CRADD: variants seen among roughly 807,000 people sequenced by gnomAD.
The protein encoded by CRADD is death domain-containing protein CRADD.
A neutral mutation model predicts 15.5 loss-of-function variants in CRADD; 9 were observed. The ratio of observed to expected loss-of-function variants is 0.58; its 90% confidence interval spans 0.35 to 1.01. The LOEUF is 1.01. Among genes scored for constraint, CRADD ranks in the 50% least tolerant of loss-of-function variants. CRADD has a pLI of 0.02. For missense variants in CRADD, 227 were observed against 250.3 expected, an observed-to-expected ratio of 0.91 and a Z score of 0.63; for synonymous variants, 118 against 107.6, an observed-to-expected ratio of 1.10 and a Z score of -0.60.
Position 93,769,081 on chromosome 12 carries a change from T to TA in CRADD, c.299-80888dup, listed in dbSNP as rs542961752. Reference sequence around the variant, plus strand: ...ATTCTGTTGTTTTTGTTATATACTTTATTTATTTTTTTTTTTGGAGACAGG... The same window carrying TA: ...ATTCTGTTGTTTTTGTTATATACTTTAATTTATTTTTTTTTTTGGAGACAGG... On this transcript the variant is annotated intron_variant, in intron 2 of 2. Coordinates refer to ENST00000332896, the MANE Select transcript of CRADD (RefSeq NM_003805.5). 2.8e-3 allele frequency among the ~76,000 whole-genome samples: 419 copies of TA among 152,236 alleles called. 2 individuals are homozygous for TA. Among genetic ancestry groups the TA allele is most frequent in the African/African-American group, 8.6e-3 (357 of 41,540 alleles).
At chr12:93,707,532 T>C (rs1955974721) in intron 2 of CRADD, among the ~76,000 whole-genome samples, 1 of 152,122 alleles carries the variant, frequency 6.6e-6, no homozygotes. Flanking sequence ...GGCTTAGGTT[T>C]CTTTCAGCAT....
intron 2 of CRADD, among the ~76,000 whole-genome samples, chr12:93,805,439 T>G (rs1373595306): frequency 6.6e-6 from 1 of 152,056 alleles, no homozygotes; most frequent in Non-Finnish European, 1.5e-5. Flanking sequence ...ATATAAAAGA[T>G]TTTACATTAC....
intron 2 of CRADD, among the ~76,000 whole-genome samples, chr12:93,804,730 A>T (rs1957517312): frequency 6.6e-6 from 1 of 152,218 alleles, no homozygotes; most frequent in South Asian, 2.1e-4. Context: ...AACAGTTGGA[A>T]AATAAAACTT....
In CRADD at chr12:93,832,541, TTCTC is replaced by T. The variant is rs200540035; in HGVS notation, c.299-17427_299-17424del. ...ATATGCAATTGAAGCTTCTTAATCT[TTCTC>T]TATACTCTTTATTACTTAGTAAACA... is the stretch of plus-strand genomic sequence containing the variant. On this transcript the variant is annotated intron_variant, in intron 2 of 2. Transcript: ENST00000332896. 9.4e-3 allele frequency among the ~76,000 whole-genome samples: 1,353 copies of T among 144,584 alleles called. 21 individuals carry two copies. Among genetic ancestry groups the T allele is most frequent in the African/African-American group, 0.029 (1,195 of 41,352 alleles). The allele number at this position is 144,584 out of a possible 152,430, so 94.9% of individuals were successfully genotyped here. A position where few individuals can be genotyped will look rare whatever the true frequency, so the allele number is the denominator to read the frequency against.
At chr12:93,736,570 T>C (rs990138771) in intron 2 of CRADD, among the ~76,000 whole-genome samples, 5 of 152,212 alleles carry the variant, frequency 3.3e-5, no homozygotes, top group African/African-American at 1.2e-4. Context: ...GGATATAGGG[T>C]ATGATAAATG....
intron 2 of CRADD, among the ~76,000 whole-genome samples, chr12:93,792,721 C>G (rs1300207116): frequency 6.6e-6 from 1 of 151,994 alleles, no homozygotes. Flanking sequence ...TATTATAATC[C>G]CCAATTACAG....
At chr12:93,770,298 C>T (rs1957072685) in intron 2 of CRADD, among the ~76,000 whole-genome samples, 1 of 151,866 alleles carries the variant, frequency 6.6e-6, no homozygotes, top group Admixed American at 6.6e-5. Flanking sequence ...GGGGTTTCAC[C>T]GTGTTAGCCA....
intron 2 of CRADD, among the ~76,000 whole-genome samples, chr12:93,849,722 CAG>C (rs1055097878): frequency 7.5e-6 from 1 of 133,680 alleles, no homozygotes; most frequent in Admixed American, 8.3e-5. Flanking sequence ...GCCTGGGTGA[CAG>C]AGTGAAACAC....
chr12:93,710,090 G>C (rs969771027), intron 2 of CRADD, among the ~76,000 whole-genome samples: 1 of 152,144 alleles, frequency 6.6e-6, no homozygotes. Context: ...GGGTTCAGCT[G>C]AGTGGTTTTC....
At chr12:93,705,586 A>G (rs1955929463) in intron 2 of CRADD, among the ~76,000 whole-genome samples, 1 of 152,232 alleles carries the variant, frequency 6.6e-6, no homozygotes, top group Non-Finnish European at 1.5e-5. Flanking sequence ...CAGAAGGTGC[A>G]AGAAGCTTAG....
At chr12:93,891,454 T>C (rs1178770641) in intron 2 of CRADD, among the ~76,000 whole-genome samples, 1 of 152,156 alleles carries the variant, frequency 6.6e-6, no homozygotes, top group Non-Finnish European at 1.5e-5. Flanking sequence ...GTCACTGCAC[T>C]CCAGCCTGGG....
intron 2 of CRADD, among the ~76,000 whole-genome samples, chr12:93,811,808 A>G (rs1957629368): frequency 1.3e-5 from 2 of 152,180 alleles, no homozygotes; most frequent in South Asian, 4.1e-4. Flanking sequence ...GGAATTGAAA[A>G]CTTATGTCCA....
chr12:93,873,981 C>T (rs1008515556), intron 2 of CRADD, among the ~76,000 whole-genome samples: 2 of 151,944 alleles, frequency 1.3e-5, no homozygotes, highest in Non-Finnish European at 1.5e-5. Flanking sequence ...GAAGTAGTCC[C>T]TCCTCCTCTA....
intron 2 of CRADD, among the ~76,000 whole-genome samples, chr12:93,818,573 G>C (rs1412997838): frequency 2.0e-5 from 3 of 152,180 alleles, no homozygotes; most frequent in African/African-American, 7.2e-5. Flanking sequence ...AAAACCGTGG[G>C]AGTGATAGAG....
At chr12:93,786,853 A>G (rs1330919860) in intron 2 of CRADD, among the ~76,000 whole-genome samples, 1 of 152,202 alleles carries the variant, frequency 6.6e-6, no homozygotes, top group East Asian at 1.9e-4. Flanking sequence ...TTATTCCCAT[A>G]GAAAATCTAA....
intron 2 of CRADD, among the ~76,000 whole-genome samples, chr12:93,860,572 A>T (rs1001534147): frequency 2.6e-5 from 4 of 152,204 alleles, no homozygotes; most frequent in Admixed American, 1.3e-4. Flanking sequence ...AAGGTCAGCC[A>T]GAGAAGACCC....
chr12:93,825,604 G>A (rs1464187759), intron 2 of CRADD, among the ~76,000 whole-genome samples: 1 of 152,224 alleles, frequency 6.6e-6, no homozygotes, highest in African/African-American at 2.4e-5. Flanking sequence ...ATACAGCGGA[G>A]AGGGAAATGA....
In CRADD at chr12:93,773,595, C is replaced by T. The variant is rs73363126; in HGVS notation, c.299-76375C>T. ...TTTCCTGCTGGAAGAAAGAGGAGGG[C>T]TTTGCTTCATGCAGACATTCAGGGA... On this transcript the variant is annotated intron_variant, in intron 2 of 2. Transcript: ENST00000332896. 7.0e-3 allele frequency among the ~76,000 whole-genome samples: 1,064 copies of T among 151,928 alleles called. 16 individuals carry two copies. The highest frequency in any genetic ancestry group is 0.023 in the African/African-American group (965 of 41,412).
intron 2 of CRADD, among the ~76,000 whole-genome samples, chr12:93,746,184 A>G (rs1592955445): frequency 6.6e-6 from 1 of 152,368 alleles, no homozygotes; most frequent in East Asian, 1.9e-4. Flanking sequence ...TCATAAAATG[A>G]TTAAAGAAGA....
Sources: allele counts gnomAD v4.1 joint callset (sites outside exome capture counted in the v4.1 genomes callset), GRCh38; gene constraint gnomAD v4.1.1; transcripts MANE v1.5; gene names NCBI Gene and HGNC (gene_info 2026-07-23, HGNC 2026-07-21).